The following CCDC88B variants were observed in gnomAD, a reference collection of about 807,000 sequenced individuals.
The protein encoded by CCDC88B is coiled-coil and HOOK domain protein 88B, also known as coiled-coil domain-containing protein 88B.
CCDC88B carries 138 observed loss-of-function variants against 183.7 expected under a neutral mutation model. The observed-to-expected ratio is 0.75, with a 90% CI of 0.65 to 0.87. The LOEUF (loss-of-function observed/expected upper bound fraction) is 0.87, where lower values mean the gene tolerates loss of function less well. CCDC88B is among the 40% of genes least tolerant of loss of function. The probability of loss-of-function intolerance (pLI) is 0.00; values close to 1 mark genes in which losing one functional copy is unlikely to be tolerated. For synonymous variants in CCDC88B, 835 were observed against 867.5 expected (o/e 0.96, Z 0.66); for missense variants, 1,822 against 1,965.6 (o/e 0.93, Z 1.38).
Position 64,341,089 on chromosome 11 carries a change from G to GTCTGCCTC in CCDC88B, c.319-11_319-4dup, listed in dbSNP as rs751834672. The GTCTGCCTC allele has an allele frequency of 5.6e-6, 9 of 1,613,978 alleles. No homozygotes were observed. The African/African-American group carries it at 1.2e-4, about 22-fold the overall frequency. On this transcript the variant is annotated intron_variant, in intron 3 of 26. Transcript: ENST00000356786. Reference sequence around the variant, plus strand: ...CCCCTTCGGGAAGGCGCCTCATATAGTCTGCCTCTCTGCCTCCAGGAGGAG... The same window carrying GTCTGCCTC: ...CCCCTTCGGGAAGGCGCCTCATATAGTCTGCCTCTCTGCCTCTCTGCCTCCAGGAGGAG...
In CCDC88B at chr11:64,352,301, G is replaced by A. The variant is rs1374258968; in HGVS notation, c.3271G>A (p.Glu1091Lys). The A allele has an allele frequency of 5.1e-6, 8 of 1,561,316 alleles. No homozygotes were observed. The highest frequency in any genetic ancestry group is 1.2e-5 in the South Asian group (1 of 86,176). The change falls in exon 19 of 27, where the codon GAG becomes AAG. Residue 1091 changes from glutamate (E) to lysine (K), a missense_variant. By Grantham distance (56) the Glu-to-Lys change is moderately conservative. Transcript: ENST00000356786. ...LAQLQRRQEA[E>K]LEGLLVRHRD... ...ACAGCTGCAGCGGCGGCAGGAGGCC[G>A]AGCTAGAGGGACTGCTGGTGCGGCA...
At chr11:64,355,766 G>A in intron 26 of CCDC88B, 138 bp downstream of exon 26, 1 of 758,634 alleles carries the variant, frequency 1.3e-6, no homozygotes, top group Non-Finnish European at 2.1e-6. Flanking sequence ...GACACAGCAG[G>A]GAACGTTCTG....
rs752151070 is a variant in CCDC88B, at chr11:64,342,118, T to A, written c.800T>A (p.Leu267Gln). ...CAGCTGGCCAACGCCAAGGCTCAGC[T>A]GCGGCGTCTGCGGCAGGAGCTGTGA... ...ALQLANAKAQ[L>Q]RRLRQELEEK... Residue 267 changes from leucine (L) to glutamine (Q), a missense_variant, in exon 8 of 27, where the codon CTG becomes CAG. Transcript: ENST00000356786. The A allele has an allele frequency of 6.2e-7, 1 of 1,609,384 alleles. No homozygotes were observed. The highest frequency in any genetic ancestry group is 1.1e-5 in the South Asian group (1 of 90,610).
Position 64,353,178 on chromosome 11 carries a change from C to G in CCDC88B, c.3625C>G (p.Gln1209Glu). 1.9e-6 allele frequency: 3 copies of G among 1,581,074 alleles called. No individual in the cohort carries two copies. Among genetic ancestry groups the G allele is most frequent in the South Asian group, 2.3e-5 (2 of 87,208 alleles). ...ERAQLEMQSQQLRESNQQLDL... is the reference protein window; with the variant it reads ...ERAQLEMQSQELRESNQQLDL... ...GGCACAGCTGGAGATGCAGAGCCAGCAGCTGCGCGAGTCCAACCAGCAGCT... is the reference window on the plus strand; with the variant it reads ...GGCACAGCTGGAGATGCAGAGCCAGGAGCTGCGCGAGTCCAACCAGCAGCT... Residue 1209 changes from glutamine to glutamate, a missense_variant, in exon 21 of 27, where the codon CAG becomes GAG. Gln to Glu is a conservative substitution (Grantham distance 29). Transcript: ENST00000356786.
chr11:64,357,110 A>G lies in CCDC88B; in HGVS notation c.*16A>G, dbSNP rs1342804643. ...CAGCCAGTGACACCGTGGGAACAGCAGGCTTGGGAGTGCAGCCTTCTCGGC... is the reference window on the plus strand; with the variant it reads ...CAGCCAGTGACACCGTGGGAACAGCGGGCTTGGGAGTGCAGCCTTCTCGGC... On this transcript the variant is annotated 3_prime_UTR_variant, in exon 27 of 27. Transcript: ENST00000356786. 7.4e-6 allele frequency: 12 copies of G among 1,613,578 alleles called. 1 individual carries two copies. Among genetic ancestry groups the G allele is most frequent in the Middle Eastern group, 1.6e-4 (1 of 6,080 alleles).
At chr11:64,350,610 T>C in intron 16 of CCDC88B, 1 of 152,032 alleles carries the variant, frequency 6.6e-6, no homozygotes, top group South Asian at 2.1e-4. Flanking sequence ...TGCTTGAACC[T>C]GGGAGGAGGA....
At chr11:64,342,851 A>G (rs1334837434) in intron 10 of CCDC88B, 171 bp downstream of exon 10, 1 of 491,858 alleles carries the variant, frequency 2.0e-6, no homozygotes, top group Non-Finnish European at 3.2e-6. Context: ...AAGGGCCTCC[A>G]GAGGATGGGG....
Position 64,344,639 on chromosome 11 carries a change from C to G in CCDC88B, c.2098C>G (p.Gln700Glu). ...GGACCCAGCCTGGCAAAAACCACAGCAGAAGTCAGAAGGGGCTCTTGAGGT... is the reference window on the plus strand; with the variant it reads ...GGACCCAGCCTGGCAAAAACCACAGGAGAAGTCAGAAGGGGCTCTTGAGGT... Reference protein sequence around the residue: ...VRDPAWQKPQQKSEGALEVQV... With the variant: ...VRDPAWQKPQEKSEGALEVQV... Residue 700 changes from glutamine to glutamate, a missense_variant, in exon 14 of 27, where the codon CAG (glutamine) becomes GAG (glutamate). By Grantham distance (29) the Gln-to-Glu change is conservative. Coordinates refer to ENST00000356786, the MANE Select transcript of CCDC88B (RefSeq NM_032251.6). This position sits in a 1 kb window ranked among gnomAD's most constrained non-coding sequence, Gnocchi z 4.5. The G allele has an allele frequency of 6.2e-7, 1 of 1,613,714 alleles. No individual in the cohort carries two copies. Among genetic ancestry groups the G allele is most frequent in the Non-Finnish European group, 8.5e-7 (1 of 1,179,834 alleles).
rs759885403 is a variant in CCDC88B, at chr11:64,353,781, C to A, written c.3900C>A (p.Arg1300=). Residue 1300 remains arginine (R), a synonymous_variant, in exon 23 of 27, where the codon CGC becomes CGA. Coordinates refer to ENST00000356786, the MANE Select transcript of CCDC88B (RefSeq NM_032251.6). The part of the protein sequence containing the change: ...KLVEKIMDQY[R]VLEPVPLPRT... ...TGGAGAAGATCATGGACCAATACCG[C>A]GTGCTGGAGCCTGTGCCCCTGCCCC... The A allele has an allele frequency of 6.2e-7, 1 of 1,614,096 alleles. No individual in the cohort carries two copies. The highest frequency in any genetic ancestry group is 1.3e-5 in the African/African-American group (1 of 75,032).
chr11:64,343,951 C>A, intron 13 of CCDC88B, 37 bp downstream of exon 13: 1 of 1,570,020 alleles, frequency 6.4e-7, no homozygotes, highest in Non-Finnish European at 8.7e-7. Flanking sequence ...CCGGCCCTTC[C>A]CCTAGTCCCT....
intron 10 of CCDC88B, 162 bp downstream of exon 10, chr11:64,342,842 A>G: frequency 3.6e-6 from 2 of 555,114 alleles, no homozygotes; most frequent in Non-Finnish European, 2.6e-6. Context: ...CGTCTGGGAA[A>G]GGGCCTCCAG....
At position 64,347,323 on chromosome 11, in the gene CCDC88B, C is replaced by T. The variant is rs201470556; in HGVS notation, c.2617-2008C>T. ...AAAGTGAGCAAAGTGGTCAGGTCTG[C>T]GTGTGAAAAGGCGCGAGGAAGGGTG... is the stretch of plus-strand genomic sequence containing the variant. On this transcript the variant is annotated intron_variant, in intron 14 of 26. Coordinates refer to ENST00000356786, the MANE Select transcript of CCDC88B (RefSeq NM_032251.6). Among the ~76,000 whole-genome samples the T allele has an allele frequency of 6.1e-4, 93 of 152,266 alleles. 1 individual carries two copies. The East Asian group carries it at 8.3e-3, about 14-fold the overall frequency.
chr11:64,356,855 G>A (rs930333378), intron 26 of CCDC88B, 184 bp from the exon 27 acceptor site: 5 of 596,020 alleles, frequency 8.4e-6, no homozygotes, highest in Non-Finnish European at 1.5e-5. Flanking sequence ...TTGTCGTGTG[G>A]ACATACCTGA....
intron 12 of CCDC88B, 30 bp from the exon 13 acceptor site, chr11:64,343,748 A>G (rs1460069892): frequency 2.0e-6 from 3 of 1,536,732 alleles, no homozygotes; most frequent in South Asian, 2.4e-5. Context: ...GCAGTAAAGG[A>G]GGGGTCCTGA....
At chr11:64,356,699 G>C (rs1033026860) in intron 26 of CCDC88B, 3 of 377,970 alleles carry the variant, frequency 7.9e-6, no homozygotes, top group Non-Finnish European at 1.4e-5. Flanking sequence ...ATCAGGAGGC[G>C]CTAATGCTCT....
At chr11:64,342,427 C>G (rs1237909269) in intron 9 of CCDC88B, 52 bp downstream of exon 9, 4 of 1,547,956 alleles carry the variant, frequency 2.6e-6, no homozygotes, top group Non-Finnish European at 3.5e-6. Context: ...TCCCCGCACC[C>G]GGTCCCATTG....
intron 26 of CCDC88B, 139 bp downstream of exon 26, chr11:64,355,767 G>A: frequency 1.3e-6 from 1 of 760,634 alleles, no homozygotes; most frequent in East Asian, 2.9e-5. Context: ...ACACAGCAGG[G>A]AACGTTCTGG....
rs79318041 is a variant in CCDC88B, at chr11:64,344,193, C to T, written c.1652C>T (p.Pro551Leu). 2,069 of 1,611,832 alleles carry T rather than the reference C, an allele frequency of 1.3e-3. 18 individuals are homozygous for T. The East Asian group carries it at 0.026, about 21-fold the overall frequency. The change falls in exon 14 of 27, where the codon CCT becomes CTT. Residue 551 changes from proline (P) to leucine (L), a missense_variant. Coordinates refer to ENST00000356786, the MANE Select transcript of CCDC88B (RefSeq NM_032251.6). This position sits in a 1 kb window ranked among gnomAD's most constrained non-coding sequence, Gnocchi z 4.5. ...GCATCAGCTGAGTGTCCCCAGGCACCTGATTCAGACCCACAGGAGGCAGAG... is the reference window on the plus strand; with the variant it reads ...GCATCAGCTGAGTGTCCCCAGGCACTTGATTCAGACCCACAGGAGGCAGAG... ...LEASAECPQA[P>L]DSDPQEAESP...
chr11:64,352,689 C>A (rs1195478627), intron 19 of CCDC88B, 55 bp from the exon 20 acceptor site: 2 of 1,610,654 alleles, frequency 1.2e-6, no homozygotes, highest in Non-Finnish European at 1.7e-6. Context: ...GTCCAGCCAG[C>A]TGCTTGTGGT....
Sources: allele counts gnomAD v4.1 joint callset (sites outside exome capture counted in the v4.1 genomes callset), GRCh38; gene constraint gnomAD v4.1.1; non-coding constraint Gnocchi (gnomAD v3.1); transcripts MANE v1.5; gene names NCBI Gene and HGNC (gene_info 2026-07-23, HGNC 2026-07-21).